The following STK39 variants were observed in gnomAD, a reference collection of about 807,000 sequenced individuals.
STK39 encodes the protein serine/threonine kinase 39, also known as STE20/SPS1-related proline-alanine-rich protein kinase.
STK39 carries 20 observed loss-of-function variants against 77.8 expected under a neutral mutation model. The ratio of observed to expected loss-of-function variants is 0.26; its 90% confidence interval spans 0.18 to 0.37. The LOEUF is 0.37. Among genes scored for constraint, STK39 ranks in the 10% least tolerant of loss-of-function variants. STK39 has a pLI of 1.00. For synonymous variants in STK39, 246 were observed against 234.1 expected (o/e 1.05, Z -0.47); for missense variants, 479 against 656.5 (o/e 0.73, Z 2.95).
At chr2:168,012,364 G>T (rs2105312872) in intron 16 of STK39, among the ~76,000 whole-genome samples, 1 of 152,136 alleles carries the variant, frequency 6.6e-6, no homozygotes, top group African/African-American at 2.4e-5. Flanking sequence ...GTAGAGGCAG[G>T]GTTTCACCAA....
intron 10 of STK39, among the ~76,000 whole-genome samples, chr2:168,106,552 C>T (rs1232609395): frequency 2.6e-5 from 4 of 152,096 alleles, no homozygotes; most frequent in Non-Finnish European, 5.9e-5. Flanking sequence ...GGCACAGTGG[C>T]TCATTACCTA....
chr2:168,057,916 C>G (rs569693319), intron 14 of STK39, among the ~76,000 whole-genome samples: 1 of 152,262 alleles, frequency 6.6e-6, no homozygotes, highest in South Asian at 2.1e-4. Context: ...GGGATCATCC[C>G]TGTTCACCCA....
chr2:168,146,486 T>C (rs1007018279), intron 5 of STK39, among the ~76,000 whole-genome samples: 3 of 152,190 alleles, frequency 2.0e-5, no homozygotes, highest in Non-Finnish European at 4.4e-5. Context: ...CACTGATGCC[T>C]AAGTGGCTGG....
At chr2:168,244,854 TC>T (rs1224977002) in intron 1 of STK39, among the ~76,000 whole-genome samples, 1 of 152,212 alleles carries the variant, frequency 6.6e-6, no homozygotes, top group African/African-American at 2.4e-5. Context: ...GTGTTTTTGT[TC>T]TCAAATTCCT....
In STK39 at chr2:168,217,945, A is replaced by T. The variant is rs556426663; in HGVS notation, c.208+29283T>A. On this transcript the variant is annotated intron_variant, in intron 1 of 17. Coordinates refer to ENST00000355999, the MANE Select transcript of STK39 (RefSeq NM_013233.3). ...GAAAAAAGCATAACTACTAATTCTA[A>T]GATCACGTCCATGTTATCATGATTT... is the stretch of plus-strand genomic sequence containing the variant. 3.9e-4 allele frequency among the ~76,000 whole-genome samples: 60 copies of T among 152,346 alleles called. 1 individual carries two copies. In the South Asian group the frequency reaches 7.7e-3, roughly 19 times the overall value.
At chr2:168,096,094 T>C (rs1686659534) in intron 10 of STK39, among the ~76,000 whole-genome samples, 1 of 152,244 alleles carries the variant, frequency 6.6e-6, no homozygotes, top group Admixed American at 6.5e-5. Context: ...TGTAGTTTTA[T>C]ATTTTCATAC....
chr2:168,119,973 G>A (rs561852351), intron 10 of STK39, among the ~76,000 whole-genome samples: 17 of 152,222 alleles, frequency 1.1e-4, no homozygotes, highest in African/African-American at 3.6e-4. Flanking sequence ...GTTAAGGCTC[G>A]ACCTCCTTAG....
intron 2 of STK39, among the ~76,000 whole-genome samples, chr2:168,175,533 C>G (rs1688936710): frequency 6.6e-6 from 1 of 152,186 alleles, no homozygotes; most frequent in South Asian, 2.1e-4. Context: ...GAATAAGCTA[C>G]ATAACTTTTA....
Position 167,955,095 on chromosome 2 carries a change from T to G in STK39, c.*401A>C, listed in dbSNP as rs200880718. ...AGTATTATAACAGAAATAACAACAATGAAAGGAGAAATAGGCTTCTGGATA... is the reference window on the plus strand; with the variant it reads ...AGTATTATAACAGAAATAACAACAAGGAAAGGAGAAATAGGCTTCTGGATA... On this transcript the variant is annotated 3_prime_UTR_variant, in exon 18 of 18. Coordinates refer to ENST00000355999, the MANE Select transcript of STK39 (RefSeq NM_013233.3). The G allele has an allele frequency of 6.4e-6, 1 of 155,984 alleles. No individual in the cohort carries two copies. The highest frequency in any genetic ancestry group is 2.4e-5 in the African/African-American group (1 of 41,488). 9.7% of individuals were successfully genotyped at this position (155,984 alleles called of 1,614,324 possible). A position where few individuals can be genotyped will look rare whatever the true frequency, so the allele number is the denominator to read the frequency against.
chr2:168,206,494 G>A (rs993792000), intron 1 of STK39, among the ~76,000 whole-genome samples: 8 of 152,028 alleles, frequency 5.3e-5, no homozygotes, highest in Non-Finnish European at 7.4e-5. Context: ...TAGAGACGGG[G>A]TTTTGCCATG....
chr2:168,015,751 T>C (rs1431426357), intron 15 of STK39, among the ~76,000 whole-genome samples: 1 of 152,234 alleles, frequency 6.6e-6, no homozygotes. Flanking sequence ...GAAGCATTTA[T>C]TACATAATTA....
intron 1 of STK39, among the ~76,000 whole-genome samples, chr2:168,222,591 G>A (rs1479376132): frequency 2.0e-5 from 3 of 152,158 alleles, no homozygotes; most frequent in African/African-American, 7.2e-5. Context: ...GCTACCATAA[G>A]ATTAATCCCT....
intron 5 of STK39, among the ~76,000 whole-genome samples, chr2:168,159,837 T>C (rs147560116): frequency 7.2e-4 from 110 of 152,280 alleles, no homozygotes; most frequent in African/African-American, 2.4e-3. Flanking sequence ...ATGCCAGGCA[T>C]AGAAAAGGCA....
chr2:168,111,548 T>C (rs185125158), intron 10 of STK39, among the ~76,000 whole-genome samples: 7 of 152,338 alleles, frequency 4.6e-5, no homozygotes, highest in African/African-American at 1.7e-4. Context: ...TGATAGGTGA[T>C]CTGTTTTACT....
At chr2:168,135,102 T>C (rs913056619) in intron 8 of STK39, among the ~76,000 whole-genome samples, 1 of 151,926 alleles carries the variant, frequency 6.6e-6, no homozygotes, top group Non-Finnish European at 1.5e-5. Flanking sequence ...TAAGGATAAG[T>C]GGCACAGGTT....
At chr2:168,235,929 C>T (rs1324515008) in intron 1 of STK39, among the ~76,000 whole-genome samples, 2 of 151,998 alleles carry the variant, frequency 1.3e-5, no homozygotes, top group African/African-American at 4.8e-5. Flanking sequence ...GTGCATGTGT[C>T]TTTATAGCAG....
intron 10 of STK39, among the ~76,000 whole-genome samples, chr2:168,085,007 C>A (rs1276925481): frequency 2.0e-5 from 3 of 152,190 alleles, no homozygotes; most frequent in Non-Finnish European, 4.4e-5. Flanking sequence ...TCACAGGGAA[C>A]CCATGGTAGA....
chr2:168,129,829 C>T (rs1279191188), intron 8 of STK39, 71 bp from the exon 9 acceptor site: 2 of 1,543,388 alleles, frequency 1.3e-6, no homozygotes, highest in African/African-American at 2.7e-5. Context: ...GATGAAACAA[C>T]TTAACCTTAA....
chr2:167,962,126 C>T (rs1691999298), intron 17 of STK39, among the ~76,000 whole-genome samples: 1 of 152,086 alleles, frequency 6.6e-6, no homozygotes, highest in South Asian at 2.1e-4. Flanking sequence ...ATTTTCAGGC[C>T]CCTGACGTTT....
Sources: gnomAD v4.1 joint callset for allele counts (sites outside exome capture counted in the v4.1 genomes callset) on GRCh38, gnomAD v4.1.1 for gene constraint, MANE v1.5 for transcripts, NCBI Gene and HGNC (gene_info 2026-07-23, HGNC 2026-07-21) for gene names.